DIAPH3: variants seen among roughly 807,000 people sequenced by gnomAD.
DIAPH3 encodes the protein diaphanous related formin 3, also known as protein diaphanous homolog 3.
In DIAPH3, 117 loss-of-function variants were observed where a neutral mutation model predicts 144.3. The observed-to-expected ratio is 0.81, with a 90% CI of 0.70 to 0.95. The LOEUF is 0.95. Among genes scored for constraint, DIAPH3 ranks in the 40% least tolerant of loss-of-function variants. DIAPH3 has a pLI of 0.00. For missense variants in DIAPH3, 1,421 were observed against 1,412.7 expected, an observed-to-expected ratio of 1.01 and a Z score of -0.09; for synonymous variants, 519 against 488.9, an observed-to-expected ratio of 1.06 and a Z score of -0.81.
At chr13:60,010,888 C>G (rs1321341171) in intron 7 of DIAPH3, among the ~76,000 whole-genome samples, 1 of 151,956 alleles carries the variant, frequency 6.6e-6, no homozygotes, top group East Asian at 1.9e-4. Context: ...GGCAGATTAC[C>G]TGAGGTCGGG....
intron 4 of DIAPH3, among the ~76,000 whole-genome samples, chr13:60,081,217 C>T (rs1199240246): frequency 6.6e-6 from 1 of 151,936 alleles, no homozygotes; most frequent in Non-Finnish European, 1.5e-5. Context: ...AGGGATGCAT[C>T]CTGCATAACT....
At chr13:59,908,923 C>T (rs1341342592) in intron 20 of DIAPH3, among the ~76,000 whole-genome samples, 1 of 152,130 alleles carries the variant, frequency 6.6e-6, no homozygotes, top group African/African-American at 2.4e-5. Flanking sequence ...AACACTACCC[C>T]AAACTCTTGA....
chr13:59,826,319 C>T (rs2041417524), intron 24 of DIAPH3, among the ~76,000 whole-genome samples: 1 of 104,600 alleles, frequency 9.6e-6, no homozygotes, highest in Non-Finnish European at 2.1e-5. Context: ...AGCTGATAAG[C>T]AACTTCAGCA....
chr13:60,026,169 C>T (rs2054358140), intron 5 of DIAPH3, among the ~76,000 whole-genome samples: 1 of 152,108 alleles, frequency 6.6e-6, no homozygotes, highest in Admixed American at 6.5e-5. Flanking sequence ...CCACACACTG[C>T]TCCCACCAGA....
chr13:60,125,773 A>T (rs1316657665), intron 2 of DIAPH3, among the ~76,000 whole-genome samples: 5 of 152,138 alleles, frequency 3.3e-5, no homozygotes, highest in Non-Finnish European at 1.5e-5. Flanking sequence ...TAGATAGATC[A>T]CTCTGATAGC....
At chr13:59,715,190 G>C (rs1740926467) in intron 27 of DIAPH3, among the ~76,000 whole-genome samples, 2 of 152,124 alleles carry the variant, frequency 1.3e-5, no homozygotes, top group Admixed American at 6.5e-5. Context: ...ATGGTAATGA[G>C]AGCACATCAT....
chr13:59,822,427 A>AATTT (rs1006513626), intron 24 of DIAPH3, among the ~76,000 whole-genome samples: 34 of 151,794 alleles, frequency 2.2e-4, no homozygotes, highest in Admixed American at 3.3e-4. Context: ...ATATGAACCT[A>AATTT]ATTTATTTAT....
chr13:60,156,741 T>G (rs1482861906), intron 1 of DIAPH3, among the ~76,000 whole-genome samples: 1 of 151,408 alleles, frequency 6.6e-6, no homozygotes, highest in Non-Finnish European at 1.5e-5. Flanking sequence ...AGTGGCATAT[T>G]TGGGGGTATA....
intron 27 of DIAPH3, among the ~76,000 whole-genome samples, chr13:59,704,460 C>T (rs562976118): frequency 6.6e-6 from 1 of 152,348 alleles, no homozygotes; most frequent in South Asian, 2.1e-4. Flanking sequence ...CTGCCACCCT[C>T]ATACAGAAGC....
intron 1 of DIAPH3, among the ~76,000 whole-genome samples, chr13:60,156,935 ATATATTTT>A (rs1952053849): frequency 3.8e-5 from 2 of 52,490 alleles, no homozygotes; most frequent in South Asian, 7.8e-4. Flanking sequence ...ATATATATAT[ATATATTTT>A]TTTTTTTTTT....
At chr13:59,739,041 C>T (rs1253705551) in intron 27 of DIAPH3, among the ~76,000 whole-genome samples, 1 of 152,092 alleles carries the variant, frequency 6.6e-6, no homozygotes, top group Non-Finnish European at 1.5e-5. Context: ...TCAGGGCTGA[C>T]ATTTAAACGC....
At chr13:59,950,223 C>A (rs988781334) in intron 17 of DIAPH3, among the ~76,000 whole-genome samples, 2 of 152,126 alleles carry the variant, frequency 1.3e-5, no homozygotes, top group Non-Finnish European at 2.9e-5. Flanking sequence ...ACAACTCTTT[C>A]TAGGTTCATC....
intron 4 of DIAPH3, among the ~76,000 whole-genome samples, chr13:60,079,899 T>C (rs911610949): frequency 2.6e-5 from 4 of 151,928 alleles, no homozygotes; most frequent in Admixed American, 6.6e-5. Flanking sequence ...TACACTTTAC[T>C]TGAACTTGGA....
chr13:60,016,920 T>C (rs772640485), intron 5 of DIAPH3, among the ~76,000 whole-genome samples: 8 of 152,146 alleles, frequency 5.3e-5, no homozygotes, highest in Non-Finnish European at 1.0e-4. Context: ...ACTACCTCGC[T>C]AGAAATGAAT....
chr13:59,961,680 T>C lies in DIAPH3; in HGVS notation c.2074+8264A>G, dbSNP rs1355219601. ...ATTTCTTTTAATCAGAGAAGCAGCA[T>C]GGCATAGCACAAAGAGCAATGGCTT... On this transcript the variant is annotated intron_variant, in intron 17 of 27. Coordinates refer to ENST00000400324, the MANE Select transcript of DIAPH3 (RefSeq NM_001042517.2). Among the ~76,000 whole-genome samples the C allele has an allele frequency of 4.6e-5, 7 of 152,188 alleles. No individual in the cohort carries two copies. The East Asian group carries it at 1.3e-3, about 29-fold the overall frequency.
At chr13:60,013,848 A>C (rs950796457) in intron 7 of DIAPH3, among the ~76,000 whole-genome samples, 14 of 152,162 alleles carry the variant, frequency 9.2e-5, no homozygotes, top group Non-Finnish European at 2.1e-4. Flanking sequence ...AAACTTCACC[A>C]AAAATTTCAC....
chr13:59,680,879 C>G (rs1031037929), intron 27 of DIAPH3, among the ~76,000 whole-genome samples: 1 of 152,016 alleles, frequency 6.6e-6, no homozygotes, highest in African/African-American at 2.4e-5. Context: ...ATCTAGAAAC[C>G]TTTGCAATTG....
At chr13:59,906,492 A>G (rs1368192558) in intron 20 of DIAPH3, among the ~76,000 whole-genome samples, 2 of 152,346 alleles carry the variant, frequency 1.3e-5, no homozygotes, top group East Asian at 3.9e-4. Flanking sequence ...TGAATGTTTT[A>G]CAACAAGAAT....
intron 27 of DIAPH3, among the ~76,000 whole-genome samples, chr13:59,742,699 AGG>A (rs2036521971): frequency 1.4e-5 from 2 of 143,174 alleles, no homozygotes; most frequent in Admixed American, 7.0e-5. Context: ...AAAGGGAGAA[AGG>A]GAGAAAGAAA....
Sources: allele counts gnomAD v4.1 joint callset (sites outside exome capture counted in the v4.1 genomes callset), GRCh38; gene constraint gnomAD v4.1.1; transcripts MANE v1.5; gene names NCBI Gene and HGNC (gene_info 2026-07-23, HGNC 2026-07-21).